The following OXCT1 variants were observed in gnomAD, a reference collection of about 807,000 sequenced individuals.
OXCT1 encodes the protein succinyl-CoA:3-ketoacid coenzyme A transferase 1, mitochondrial.
A neutral mutation model predicts 69.6 loss-of-function variants in OXCT1; 27 were observed. That is an observed-to-expected ratio of 0.39 (90% CI 0.29 to 0.54). The LOEUF (loss-of-function observed/expected upper bound fraction) is 0.54, where lower values mean the gene tolerates loss of function less well. OXCT1 is among the 20% of genes least tolerant of loss of function. The pLI is 0.72. For synonymous variants in OXCT1, 202 were observed against 217.8 expected, an observed-to-expected ratio of 0.93 and a Z score of 0.64; for missense variants, 437 against 650.2, an observed-to-expected ratio of 0.67 and a Z score of 3.57.
chr5:41,841,310 G>A (rs1748615824), intron 6 of OXCT1, among the ~76,000 whole-genome samples: 2 of 152,148 alleles, frequency 1.3e-5, no homozygotes, highest in South Asian at 4.1e-4. Flanking sequence ...ATTGAAGAAT[G>A]AGTACAGGAA....
chr5:41,752,236 T>A (rs1743820522), intron 14 of OXCT1, among the ~76,000 whole-genome samples: 1 of 152,162 alleles, frequency 6.6e-6, no homozygotes, highest in Non-Finnish European at 1.5e-5. Context: ...CCTTAAATTC[T>A]TTGTGCCATA....
At chr5:41,801,213 G>T in intron 10 of OXCT1, 143 bp from the exon 11 acceptor site, 1 of 694,056 alleles carries the variant, frequency 1.4e-6, no homozygotes, top group Admixed American at 2.2e-5. Context: ...AAATAATTCG[G>T]TTGTGTCCAT....
At chr5:41,808,347 G>A (rs1190491454) in intron 7 of OXCT1, among the ~76,000 whole-genome samples, 1 of 151,974 alleles carries the variant, frequency 6.6e-6, no homozygotes, top group Non-Finnish European at 1.5e-5. Flanking sequence ...ACTTATACAA[G>A]GATAGTAGTA....
At chr5:41,861,948 C>T (rs763892931) in intron 2 of OXCT1, among the ~76,000 whole-genome samples, 3 of 152,136 alleles carry the variant, frequency 2.0e-5, no homozygotes, top group Non-Finnish European at 4.4e-5. Flanking sequence ...GGGTGGCTCA[C>T]GCCTGTAATC....
intron 13 of OXCT1, among the ~76,000 whole-genome samples, chr5:41,777,896 T>C (rs1745203092): frequency 6.6e-6 from 1 of 152,262 alleles, no homozygotes; most frequent in Non-Finnish European, 1.5e-5. Flanking sequence ...CATGAAGTTA[T>C]GGCAGTAAAA....
chr5:41,779,353 A>C (rs766791678), intron 13 of OXCT1, among the ~76,000 whole-genome samples: 39 of 152,174 alleles, frequency 2.6e-4, no homozygotes, highest in Middle Eastern at 3.2e-3. Flanking sequence ...AATCTGAATT[A>C]AACAAAATTA....
intron 13 of OXCT1, among the ~76,000 whole-genome samples, chr5:41,763,240 AG>A (rs1744432806): frequency 6.6e-6 from 1 of 152,108 alleles, no homozygotes; most frequent in Non-Finnish European, 1.5e-5. Context: ...AGCAGTATGA[AG>A]AAAAGAAGTA....
chr5:41,825,865 G>C lies in OXCT1; in HGVS notation c.732+14586C>G, dbSNP rs143664051. Among the ~76,000 whole-genome samples, 39 of 152,230 alleles carry C rather than the reference G, an allele frequency of 2.6e-4. No individual in the cohort carries two copies. In the East Asian group the frequency reaches 7.3e-3, roughly 29 times the overall value. On this transcript the variant is annotated intron_variant, in intron 7 of 16. Coordinates refer to ENST00000196371, the MANE Select transcript of OXCT1 (RefSeq NM_000436.4). The stretch of plus-strand genomic sequence containing the variant: ...GCTAAGTAAACTTTTCTTTCTTAAA[G>C]AATAAAAAAGTCACAGTGGTTATTC...
intron 11 of OXCT1, among the ~76,000 whole-genome samples, chr5:41,798,174 T>C (rs921172141): frequency 1.3e-5 from 2 of 151,932 alleles, no homozygotes; most frequent in Non-Finnish European, 2.9e-5. Context: ...AAGAAGAGTA[T>C]GAGCCATAAT....
intron 13 of OXCT1, among the ~76,000 whole-genome samples, chr5:41,763,681 A>G (rs1366750646): frequency 6.6e-6 from 1 of 152,110 alleles, no homozygotes; most frequent in Non-Finnish European, 1.5e-5. Context: ...CAGTTTCTAT[A>G]CATAGTGTCC....
chr5:41,765,865 C>T (rs1744573252), intron 13 of OXCT1, among the ~76,000 whole-genome samples: 3 of 152,030 alleles, frequency 2.0e-5, no homozygotes, highest in African/African-American at 7.3e-5. Flanking sequence ...TAGAGTCCAC[C>T]CCCATCCCTC....
At chr5:41,778,902 C>T (rs1745261102) in intron 13 of OXCT1, among the ~76,000 whole-genome samples, 1 of 152,156 alleles carries the variant, frequency 6.6e-6, no homozygotes, top group African/African-American at 2.4e-5. Context: ...GGGAGAAGAA[C>T]ATATGTTAGA....
At chr5:41,809,835 G>A (rs1354316073) in intron 7 of OXCT1, among the ~76,000 whole-genome samples, 1 of 151,964 alleles carries the variant, frequency 6.6e-6, no homozygotes, top group Non-Finnish European at 1.5e-5. Context: ...AAACAACTCC[G>A]ATAAGCAAGA....
In OXCT1 at chr5:41,857,853, T is replaced by C. The variant is rs79972528; in HGVS notation, c.278+3461A>G. On this transcript the variant is annotated intron_variant, in intron 3 of 16. Transcript: ENST00000196371. The stretch of plus-strand genomic sequence containing the variant: ...TCATCTACAGCCCAGACTAATAAAG[T>C]TGTAATAAAATAATTCATGAAGGTA... Among the ~76,000 whole-genome samples, 474 of 152,318 alleles carry C rather than the reference T, an allele frequency of 3.1e-3. 4 individuals carry two copies. The highest frequency in any genetic ancestry group is 0.011 in the African/African-American group (450 of 41,576).
chr5:41,768,719 T>C (rs892037759), intron 13 of OXCT1, among the ~76,000 whole-genome samples: 3 of 152,190 alleles, frequency 2.0e-5, no homozygotes, highest in Non-Finnish European at 4.4e-5. Context: ...TAAAGAGTTA[T>C]AGTAGTCTCC....
At chr5:41,794,572 T>A (rs1360939315) in intron 12 of OXCT1, 105 bp downstream of exon 12, 3 of 1,012,354 alleles carry the variant, frequency 3.0e-6, no homozygotes, top group Non-Finnish European at 4.5e-6. Flanking sequence ...GATAGTTTTC[T>A]GGCTGGGAAA....
At chr5:41,842,948 A>C (rs1748710595) in intron 5 of OXCT1, among the ~76,000 whole-genome samples, 167 bp from the exon 6 acceptor site, 1 of 152,208 alleles carries the variant, frequency 6.6e-6, no homozygotes, top group Non-Finnish European at 1.5e-5. Flanking sequence ...GGCAAGCAGG[A>C]CTTAGTCAAA....
chr5:41,741,034 T>C (rs1352681534), intron 15 of OXCT1, among the ~76,000 whole-genome samples: 1 of 150,148 alleles, frequency 6.7e-6, no homozygotes, highest in East Asian at 2.0e-4. Context: ...CACTGCAACC[T>C]CTGCCTCCAG....
At chr5:41,733,207 TA>T (rs1742721213) in intron 16 of OXCT1, among the ~76,000 whole-genome samples, 1 of 151,802 alleles carries the variant, frequency 6.6e-6, no homozygotes, top group African/African-American at 2.4e-5. Flanking sequence ...TTCTTTTTTT[TA>T]AACAACAGAG....
Sources: gnomAD v4.1 joint callset for allele counts (sites outside exome capture counted in the v4.1 genomes callset) on GRCh38, gnomAD v4.1.1 for gene constraint, MANE v1.5 for transcripts, NCBI Gene and HGNC (gene_info 2026-07-23, HGNC 2026-07-21) for gene names.